The following IGFN1 variants were observed in gnomAD, a reference collection of about 807,000 sequenced individuals.
IGFN1 encodes immunoglobulin-like and fibronectin type III domain-containing protein 1.
In IGFN1, 253 loss-of-function variants were observed where a neutral mutation model predicts 289.5. That is an observed-to-expected ratio of 0.87 (90% CI 0.79 to 0.97). IGFN1 has a LOEUF of 0.97. Among genes scored for constraint, IGFN1 ranks in the 50% least tolerant of loss-of-function variants. IGFN1 has a pLI of 0.00. For synonymous variants in IGFN1, 1,706 were observed against 1,788.5 expected (o/e 0.95, Z 1.16); for missense variants, 4,470 against 4,686.1 (o/e 0.95, Z 1.35).
In IGFN1 at chr1:201,208,736, G is replaced by T. The variant is rs1228061700; in HGVS notation, c.3843G>T (p.Gly1281=). 2 of 1,537,076 alleles carry T rather than the reference G, an allele frequency of 1.3e-6. No homozygotes were observed. Among genetic ancestry groups the T allele is most frequent in the Non-Finnish European group, 1.7e-6 (2 of 1,146,838 alleles). The change falls in exon 12 of 24, where the codon GGG becomes GGT. Residue 1281 remains glycine, a synonymous_variant. Transcript: ENST00000335211. The part of the protein sequence containing the change: ...RKGIGSSGEM[G]SVDKEGYKKD... ...GTATTGGGAGTTCTGGGGAAATGGGGTCAGTGGATAAGGAAGGTTATAAGA... is the reference window on the plus strand; with the variant it reads ...GTATTGGGAGTTCTGGGGAAATGGGTTCAGTGGATAAGGAAGGTTATAAGA...
chr1:201,195,212 C>T lies in IGFN1; in HGVS notation c.128-627C>T, dbSNP rs140822422. Among the ~76,000 whole-genome samples, 415 of 151,762 alleles carry T rather than the reference C, an allele frequency of 2.7e-3. 3 individuals are homozygous for T. The highest frequency in any genetic ancestry group is 8.2e-3 in the African/African-American group (339 of 41,318). On this transcript the variant is annotated intron_variant, in intron 3 of 23. Coordinates refer to ENST00000335211, the MANE Select transcript of IGFN1 (RefSeq NM_001164586.2). The stretch of plus-strand genomic sequence containing the variant: ...TGTTGCCCAGGCTGGAGTGCAGTGG[C>T]GCAATCTCTGATCACTACAACATCT...
rs1370157160 is a variant in IGFN1 at position 201,226,928 on chromosome 1, C to T, written c.10833C>T (p.Ser3611=). The T allele has an allele frequency of 1.9e-6, 3 of 1,609,684 alleles. No individual in the cohort carries two copies. Among genetic ancestry groups the T allele is most frequent in the Non-Finnish European group, 2.5e-6 (3 of 1,177,872 alleles). ...KAPCYREPDL[S]QKPRFLVGLR... ...CGTGCTACCGGGAGCCCGACCTGAG[C>T]CAGAAGCCCCGGTTCCTGGTGGGCC... The change falls in exon 23 of 24, where the codon AGC becomes AGT. Residue 3611 remains serine (S), a synonymous_variant. Transcript: ENST00000335211.
Position 201,205,068 on chromosome 1 carries a change from T to C in IGFN1, c.917-14T>C. ...ACCATCAAGCTGATATCCCCATTCC[T>C]ATTTCCCCGGCAGCCATCCCCCCAA... is the stretch of plus-strand genomic sequence containing the variant. On this transcript the variant is annotated splice_polypyrimidine_tract_variant and intron_variant, in intron 10 of 23. Coordinates refer to ENST00000335211, the MANE Select transcript of IGFN1 (RefSeq NM_001164586.2). The C allele has an allele frequency of 6.5e-7, 1 of 1,532,262 alleles. No individual in the cohort carries two copies. Among genetic ancestry groups the C allele is most frequent in the Non-Finnish European group, 8.8e-7 (1 of 1,134,156 alleles). The allele number at this position is 1,532,262 out of a possible 1,614,324, so 94.9% of individuals were successfully genotyped here.
At chr1:201,222,440 C>T (rs955632794) in intron 19 of IGFN1, 11 of 301,084 alleles carry the variant, frequency 3.7e-5, no homozygotes, top group South Asian at 2.0e-4. Flanking sequence ...AAAACATAAG[C>T]GCTCTGCCAC....
Position 201,201,852 on chromosome 1 carries a change from G to T in IGFN1, c.747+20G>T. 1 of 1,017,216 alleles carries T rather than the reference G, an allele frequency of 9.8e-7. No homozygotes were observed. Among genetic ancestry groups the T allele is most frequent in the South Asian group, 1.4e-5 (1 of 73,474 alleles). The allele number at this position is 1,017,216 out of a possible 1,614,324, so 63.0% of individuals were successfully genotyped here. Reference sequence around the variant, plus strand: ...TATAAGGTGAGGCTGGAGGGGCTATGGGTGGGGGGGATCTGGCAGGGATGC... The same window carrying T: ...TATAAGGTGAGGCTGGAGGGGCTATTGGTGGGGGGGATCTGGCAGGGATGC... On this transcript the variant is annotated intron_variant, in intron 9 of 23. Transcript: ENST00000335211.
At chr1:201,213,941 A>G (rs1022707485) in intron 12 of IGFN1, among the ~76,000 whole-genome samples, 7 of 152,140 alleles carry the variant, frequency 4.6e-5, no homozygotes, top group African/African-American at 1.4e-4. Flanking sequence ...GGCCCTTCAT[A>G]TACCTTACAC....
intron 8 of IGFN1, among the ~76,000 whole-genome samples, chr1:201,201,041 C>A (rs1312222311): frequency 6.6e-6 from 1 of 152,056 alleles, no homozygotes; most frequent in Non-Finnish European, 1.5e-5. Context: ...CCGTGTTAGC[C>A]AGGATGATCT....
At chr1:201,214,841 G>A (rs186804131) in intron 13 of IGFN1, among the ~76,000 whole-genome samples, 172 bp from the exon 14 acceptor site, 13 of 152,338 alleles carry the variant, frequency 8.5e-5, no homozygotes, top group Admixed American at 8.5e-4. Context: ...TCATAAGGCT[G>A]TTACGACAAT....
In IGFN1 at chr1:201,212,239, G is replaced by A. The variant is rs115067885; in HGVS notation, c.7346G>A (p.Gly2449Glu). The stretch of plus-strand genomic sequence containing the variant: ...AGCCTCAGGGGCACAGGGGTGCTGG[G>A]GTCTCAGGGAGGGCGACAGACTCTT... Reference protein sequence around the residue: ...RDSLRGTGVLGSQGGRQTLSD... With the variant: ...RDSLRGTGVLESQGGRQTLSD... Residue 2449 changes from glycine (G) to glutamate (E), a missense_variant, in exon 12 of 24, where the codon GGG (glycine) becomes GAG (glutamate). By Grantham distance (98) the Gly-to-Glu change is moderately conservative. Transcript: ENST00000335211. 436 of 1,534,806 alleles carry A rather than the reference G, an allele frequency of 2.8e-4. 2 individuals are homozygous for A. The African/African-American group carries it at 5.0e-3, about 18-fold the overall frequency.
At chr1:201,226,237 C>A in intron 22 of IGFN1, 114 bp downstream of exon 22, 1 of 1,198,460 alleles carries the variant, frequency 8.3e-7, no homozygotes, top group Non-Finnish European at 1.1e-6. Flanking sequence ...CAGGGATGGC[C>A]TGGAGCATGC....
chr1:201,212,315 G>T lies in IGFN1; in HGVS notation c.7422G>T (p.Gly2474=), dbSNP rs959066313. 7 of 1,536,476 alleles carry T rather than the reference G, an allele frequency of 4.6e-6. No individual in the cohort carries two copies. The highest frequency in any genetic ancestry group is 5.2e-6 in the Non-Finnish European group (6 of 1,146,782). ...ATCTTGGGGGCTATGGAACTTCAGGGATCCCTGAGGCCTCGGAGGCTGCTG... is the reference window on the plus strand; with the variant it reads ...ATCTTGGGGGCTATGGAACTTCAGGTATCCCTGAGGCCTCGGAGGCTGCTG... ...TKDLGGYGTS[G]IPEASEAAGA... is the part of the protein sequence containing the mutation. Residue 2474 remains glycine, a synonymous_variant, in exon 12 of 24, where the codon GGG becomes GGT. Coordinates refer to ENST00000335211, the MANE Select transcript of IGFN1 (RefSeq NM_001164586.2).
rs1299085820 is a variant in IGFN1, at chr1:201,210,076, T to C, written c.5183T>C (p.Phe1728Ser). ...ATGGGTTCAGGGAGTAAGGCAGGTT[T>C]CAGGGATGGTTTAGGGGGTTCTGGA... ...EGMGSGSKAG[F>S]RDGLGGSGEM... The change falls in exon 12 of 24, where the codon TTC (phenylalanine) becomes TCC (serine). Residue 1728 changes from phenylalanine to serine, a missense_variant. Around this residue, in one of 8 missense-constraint regions of IGFN1, gnomAD observed 33 missense variants for 259.7 expected, o/e 0.13. Transcript: ENST00000335211. 2 of 1,393,556 alleles carry C rather than the reference T, an allele frequency of 1.4e-6. No individual in the cohort carries two copies. The highest frequency in any genetic ancestry group is 2.7e-5 in the South Asian group (2 of 73,328). The allele number at this position is 1,393,556 out of a possible 1,614,324, so 86.3% of individuals were successfully genotyped here.
rs771984473 is a variant in IGFN1 at position 201,216,534 on chromosome 1, AGGGACAAT to A, written c.9380_9387del (p.Asp3127GlyfsTer28). 5.0e-5 allele frequency: 80 copies of A among 1,612,566 alleles called. No individual in the cohort carries two copies. Among genetic ancestry groups the A allele is most frequent in the Non-Finnish European group, 6.5e-5 (77 of 1,179,304 alleles). On this transcript the variant is annotated frameshift_variant, in exon 16 of 24. Transcript: ENST00000335211. LOFTEE classifies it high-confidence loss of function. ...CGTCTGCCTCCGCTGGCGGCCCCCA[AGGGACAAT>A]GGGGGCCGGACTGTAGAGTGCTACG...
chr1:201,205,130 AG>A lies in IGFN1; in HGVS notation c.966del (p.Glu322AspfsTer42). The A allele has an allele frequency of 1.3e-6, 2 of 1,550,772 alleles. No homozygotes were observed. Among genetic ancestry groups the A allele is most frequent in the Non-Finnish European group, 1.7e-6 (2 of 1,146,922 alleles). On this transcript the variant is annotated frameshift_variant, in exon 11 of 24. Coordinates refer to ENST00000335211, the MANE Select transcript of IGFN1 (RefSeq NM_001164586.2). LOFTEE classifies it high-confidence loss of function. ...CCACTGGCGGAGACCCACTGTGAGGAGCAGGGTGACGCAGTCTTTGAATGTA... is the reference window on the plus strand; with the variant it reads ...CCACTGGCGGAGACCCACTGTGAGGACAGGGTGACGCAGTCTTTGAATGTA... The part of the protein sequence containing the change: ...VVPLAETHCE[E>X]QGDAVFECTL...
chr1:201,214,967 G>C (rs1198652049), intron 13 of IGFN1, 46 bp from the exon 14 acceptor site: 1 of 1,594,186 alleles, frequency 6.3e-7, no homozygotes, highest in Non-Finnish European at 8.6e-7. Flanking sequence ...TGAAGGAACT[G>C]GGATGGGAGT....
chr1:201,206,396 T>A lies in IGFN1; in HGVS notation c.1503T>A (p.Thr501=). The change falls in exon 12 of 24, where the codon ACT becomes ACA. Residue 501 remains threonine, a synonymous_variant. Coordinates refer to ENST00000335211, the MANE Select transcript of IGFN1 (RefSeq NM_001164586.2). ...CAGTAGCAGAGGGAAGCAGAGCCAC[T>A]CTTCCCAGGGAAAATCAATCCCACA... The part of the protein sequence containing the change: ...GFPVAEGSRA[T]LPRENQSHRE... 1 of 1,550,764 alleles carries A rather than the reference T, an allele frequency of 6.4e-7. No individual in the cohort carries two copies. Among genetic ancestry groups the A allele is most frequent in the Non-Finnish European group, 8.7e-7 (1 of 1,146,970 alleles).
Position 201,228,788 on chromosome 1 carries a change from G to A in IGFN1, c.*389G>A, listed in dbSNP as rs1022961696. ...CACAGCTGGGCCTGCTGTGACCACT[G>A]GGAGGGAAGAGGAGAGGAGGTCAGA... On this transcript the variant is annotated 3_prime_UTR_variant, in exon 24 of 24. Transcript: ENST00000335211. 8.5e-6 allele frequency: 2 copies of A among 235,394 alleles called. No homozygotes were observed. Among genetic ancestry groups the A allele is most frequent in the Non-Finnish European group, 1.7e-5 (2 of 120,336 alleles). 14.6% of individuals were successfully genotyped at this position (235,394 alleles called of 1,614,324 possible). A position where few individuals can be genotyped will look rare whatever the true frequency, so the allele number is the denominator to read the frequency against.
In IGFN1 at chr1:201,209,112, G is replaced by T. The variant is rs748315780; in HGVS notation, c.4219G>T (p.Glu1407Ter). Residue 1407 changes from glutamate to a stop codon, truncating the protein, a stop_gained, in exon 12 of 24, where the codon GAG (glutamate) becomes TAG (stop). Transcript: ENST00000335211. LOFTEE classifies it high-confidence loss of function. The part of the protein sequence containing the change: ...RGPGEMGSLD[E>*]SGHRNGIGGY... ...TCCTGGGGAGATGGGGTCACTGGAT[G>T]AGTCAGGTCATAGGAATGGGATTGG... 1.6e-5 allele frequency: 25 copies of T among 1,533,600 alleles called. No individual in the cohort carries two copies. In the African/African-American group the frequency reaches 3.2e-4, roughly 20 times the overall value. The allele number at this position is 1,533,600 out of a possible 1,614,324, so 95.0% of individuals were successfully genotyped here.
rs1257633724 is a variant in IGFN1, at chr1:201,205,161, C to T, written c.996C>T (p.Leu332=). ...EQGDAVFECT[L]SSPCPSAAWH... is the part of the protein sequence containing the mutation. The stretch of plus-strand genomic sequence containing the variant: ...GTGACGCAGTCTTTGAATGTACCCT[C>T]TCCAGCCCCTGCCCTAGTGCAGCCT... The change falls in exon 11 of 24, where the codon CTC becomes CTT. Residue 332 remains leucine, a synonymous_variant. Coordinates refer to ENST00000335211, the MANE Select transcript of IGFN1 (RefSeq NM_001164586.2). The T allele has an allele frequency of 4.5e-6, 7 of 1,551,114 alleles. No individual in the cohort carries two copies. The African/African-American group carries it at 5.5e-5, about 12-fold the overall frequency.
Sources: gnomAD v4.1 joint callset for allele counts (sites outside exome capture counted in the v4.1 genomes callset) on GRCh38, gnomAD v4.1.1 for gene constraint, gnomAD v4.1.1 regional missense constraint, MANE v1.5 for transcripts, NCBI Gene and HGNC (gene_info 2026-07-23, HGNC 2026-07-21) for gene names.